The following EPB41L4B variants were observed in gnomAD, a reference collection of about 807,000 sequenced individuals.
The protein encoded by EPB41L4B is band 4.1-like protein 4B.
EPB41L4B carries 30 observed loss-of-function variants against 112.5 expected under a neutral mutation model. The observed-to-expected ratio is 0.27, with a 90% CI of 0.20 to 0.36. The LOEUF is 0.36. EPB41L4B is among the 10% of genes least tolerant of loss of function. The pLI, the probability that EPB41L4B is intolerant of heterozygous loss-of-function variation, is 1.00. For missense variants in EPB41L4B, 1,024 were observed against 1,133.3 expected, an observed-to-expected ratio of 0.90 and a Z score of 1.38; for synonymous variants, 408 against 439.7, an observed-to-expected ratio of 0.93 and a Z score of 0.90.
Position 109,263,106 on chromosome 9 carries a change from GA to G in EPB41L4B, c.579-5del. 3.2e-6 allele frequency: 5 copies of G among 1,575,958 alleles called. No homozygotes were observed. Among genetic ancestry groups the G allele is most frequent in the Non-Finnish European group, 3.5e-6 (4 of 1,153,456 alleles). ...TGTTTCATAAGGGCATTTCAATCTT[GA>G]AAAAAATAAAATGAAATTAATTCGA... On this transcript the variant is annotated splice_polypyrimidine_tract_variant and splice_region_variant and intron_variant, in intron 5 of 25. Coordinates refer to ENST00000374566, the MANE Select transcript of EPB41L4B (RefSeq NM_019114.5).
intron 24 of EPB41L4B, among the ~76,000 whole-genome samples, chr9:109,179,132 G>T (rs757025927): frequency 6.6e-6 from 1 of 152,168 alleles, no homozygotes; most frequent in African/African-American, 2.4e-5. Context: ...GCCAGGCAGG[G>T]CTCCCCACCC....
chr9:109,221,805 C>T (rs900479829), intron 15 of EPB41L4B, among the ~76,000 whole-genome samples: 10 of 152,134 alleles, frequency 6.6e-5, no homozygotes, highest in Non-Finnish European at 7.4e-5. Context: ...AGAGATCTGG[C>T]GTACATTCAG....
chr9:109,197,559 G>GA (rs1355970149), intron 20 of EPB41L4B, among the ~76,000 whole-genome samples: 1 of 152,178 alleles, frequency 6.6e-6, no homozygotes, highest in Non-Finnish European at 1.5e-5. Flanking sequence ...TACTAATGGG[G>GA]AAAATGCTGC....
At chr9:109,261,692 G>A (rs1835209070) in intron 6 of EPB41L4B, among the ~76,000 whole-genome samples, 1 of 152,166 alleles carries the variant, frequency 6.6e-6, no homozygotes, top group African/African-American at 2.4e-5. Context: ...AAAACTCATA[G>A]CTAGAAATTC....
intron 15 of EPB41L4B, among the ~76,000 whole-genome samples, chr9:109,221,465 C>A (rs1833570729): frequency 6.6e-6 from 1 of 152,146 alleles, no homozygotes; most frequent in South Asian, 2.1e-4. Context: ...AGGGGCTCGT[C>A]TTCCACCCTG....
chr9:109,218,450 T>C (rs1182408038), intron 15 of EPB41L4B, among the ~76,000 whole-genome samples: 2 of 152,082 alleles, frequency 1.3e-5, no homozygotes, highest in African/African-American at 2.4e-5. Context: ...CTTAACCACT[T>C]TAAGACAGAA....
intron 2 of EPB41L4B, 62 bp downstream of exon 2, chr9:109,279,755 T>G (rs1359578995): frequency 6.6e-6 from 9 of 1,359,916 alleles, no homozygotes; most frequent in South Asian, 2.4e-5. Flanking sequence ...CTAGCAACTG[T>G]GGACGTGCAA....
At chr9:109,247,179 T>C (rs1834589829) in intron 14 of EPB41L4B, among the ~76,000 whole-genome samples, 2 of 151,902 alleles carry the variant, frequency 1.3e-5, no homozygotes. Context: ...ACTAGTTTTT[T>C]TTTTTTTTTT....
At position 109,207,988 on chromosome 9, in the gene EPB41L4B, G is replaced by A. The variant is rs201598200; in HGVS notation, c.1814C>T (p.Ala605Val). ...LQTPLLPSPV[A>V]DHVKCNILKA... ...CAGAATGTTACACTTCACATGATCC[G>A]CAACAGGGGAAGGCAAAAGTGGAGT... The change falls in exon 18 of 26, where the codon GCG becomes GTG. Residue 605 changes from alanine (A) to valine (V), a missense_variant. Coordinates refer to ENST00000374566, the MANE Select transcript of EPB41L4B (RefSeq NM_019114.5). The A allele has an allele frequency of 4.7e-4, 766 of 1,614,080 alleles. No individual in the cohort carries two copies. Among genetic ancestry groups the A allele is most frequent in the Non-Finnish European group, 6.1e-4 (725 of 1,179,986 alleles).
intron 1 of EPB41L4B, among the ~76,000 whole-genome samples, chr9:109,306,109 T>C (rs1837180423): frequency 6.6e-6 from 1 of 152,142 alleles, no homozygotes; most frequent in African/African-American, 2.4e-5. Flanking sequence ...TTACTAGCTG[T>C]GGGATATGGG....
At chr9:109,185,364 C>T (rs1832215205) in intron 23 of EPB41L4B, 125 bp downstream of exon 23, 3 of 762,470 alleles carry the variant, frequency 3.9e-6, no homozygotes, top group African/African-American at 1.7e-5. Flanking sequence ...AGTGAGGGCA[C>T]CTGTCGATGG....
Position 109,202,762 on chromosome 9 carries a change from T to C in EPB41L4B, c.1946+901A>G, listed in dbSNP as rs926059881. On this transcript the variant is annotated intron_variant, in intron 19 of 25. Transcript: ENST00000374566. ...ATGAGAAATTACTTAATGGGCACAATGTACATTATTTGAGTGATGGATATT... is the reference window on the plus strand; with the variant it reads ...ATGAGAAATTACTTAATGGGCACAACGTACATTATTTGAGTGATGGATATT... Among the ~76,000 whole-genome samples, 6 of 152,126 alleles carry C rather than the reference T, an allele frequency of 3.9e-5. 1 individual carries two copies. The highest frequency in any genetic ancestry group is 8.8e-5 in the Non-Finnish European group (6 of 68,032).
chr9:109,241,623 A>C (rs772772701), intron 15 of EPB41L4B: 11 of 1,611,206 alleles, frequency 6.8e-6, no homozygotes, highest in Admixed American at 1.7e-5. Context: ...GAATGCAATG[A>C]AACTATGAAG....
intron 1 of EPB41L4B, among the ~76,000 whole-genome samples, chr9:109,314,479 G>A (rs371392331): frequency 3.7e-4 from 56 of 152,074 alleles, no homozygotes; most frequent in Admixed American, 1.2e-3. Context: ...TCATGTTACC[G>A]GCACTGGAGA....
chr9:109,292,085 A>T (rs1005588121), intron 1 of EPB41L4B, among the ~76,000 whole-genome samples: 1 of 152,046 alleles, frequency 6.6e-6, no homozygotes, highest in Non-Finnish European at 1.5e-5. Flanking sequence ...ATTCCTATGA[A>T]CCCTCTTTCA....
At chr9:109,280,819 C>T (rs62576398) in intron 1 of EPB41L4B, among the ~76,000 whole-genome samples, 1 of 151,710 alleles carries the variant, frequency 6.6e-6, no homozygotes, top group African/African-American at 2.4e-5. Context: ...AAAAAAAACC[C>T]AACTCCATAG....
chr9:109,219,800 G>A lies in EPB41L4B; in HGVS notation c.1410-2655C>T, dbSNP rs115966478. The stretch of plus-strand genomic sequence containing the variant: ...TTTAAAAAATATTTAAAACCTTTTC[G>A]TGGGCCCCTGAAAGTATTGTGAGTC... On this transcript the variant is annotated intron_variant, in intron 15 of 25. Coordinates refer to ENST00000374566, the MANE Select transcript of EPB41L4B (RefSeq NM_019114.5). 9.3e-3 allele frequency among the ~76,000 whole-genome samples: 1,411 copies of A among 151,820 alleles called. 27 individuals are homozygous for A. The highest frequency in any genetic ancestry group is 0.032 in the African/African-American group (1,343 of 41,370).
At chr9:109,182,595 G>A (rs1429114351) in intron 24 of EPB41L4B, 134 bp downstream of exon 24, 7 of 693,490 alleles carry the variant, frequency 1.0e-5, no homozygotes, top group Non-Finnish European at 1.8e-5. Flanking sequence ...GCAAATCCAA[G>A]TTTCTTCCCA....
At chr9:109,199,157 G>C (rs1832741593) in intron 20 of EPB41L4B, among the ~76,000 whole-genome samples, 1 of 152,106 alleles carries the variant, frequency 6.6e-6, no homozygotes, top group South Asian at 2.1e-4. Context: ...GTGATTCTGG[G>C]ACATTTTGGG....
Sources: gnomAD v4.1 joint callset for allele counts (sites outside exome capture counted in the v4.1 genomes callset) on GRCh38, gnomAD v4.1.1 for gene constraint, MANE v1.5 for transcripts, NCBI Gene and HGNC (gene_info 2026-07-23, HGNC 2026-07-21) for gene names.